CKMT2: variants seen among roughly 807,000 people sequenced by gnomAD.
CKMT2 encodes creatine kinase S-type, mitochondrial.
Under a neutral mutation model 48.9 loss-of-function variants are expected in CKMT2, and 43 were observed. That is an observed-to-expected ratio of 0.88 (90% CI 0.69 to 1.13). The LOEUF is 1.13. CKMT2 is among the 50% of genes most tolerant of loss of function. CKMT2 has a pLI of 0.00. For missense variants in CKMT2, 472 were observed against 555.4 expected, an observed-to-expected ratio of 0.85 and a Z score of 1.51; for synonymous variants, 206 against 213.0, an observed-to-expected ratio of 0.97 and a Z score of 0.29.
intron 1 of CKMT2, among the ~76,000 whole-genome samples, chr5:81,234,444 CT>C (rs372637133): frequency 9.2e-5 from 14 of 152,168 alleles, no homozygotes; most frequent in African/African-American, 3.4e-4. Flanking sequence ...TCTGTTCTCT[CT>C]GTCCTCTCAT....
At chr5:81,239,934 C>T (rs979404053) in intron 1 of CKMT2, among the ~76,000 whole-genome samples, 2 of 152,158 alleles carry the variant, frequency 1.3e-5, no homozygotes, top group Admixed American at 6.5e-5. Context: ...GAGCACACAG[C>T]GTTTTTTTCC....
intron 1 of CKMT2, among the ~76,000 whole-genome samples, chr5:81,249,791 T>G (rs1032914288): frequency 2.6e-5 from 4 of 152,218 alleles, no homozygotes; most frequent in African/African-American, 9.7e-5. Context: ...GTTCCCCAGT[T>G]CTAGGGTGAC....
intron 1 of CKMT2, among the ~76,000 whole-genome samples, chr5:81,242,082 C>T (rs909174291): frequency 1.3e-5 from 2 of 152,120 alleles, no homozygotes; most frequent in African/African-American, 4.8e-5. Flanking sequence ...ACGATGGGCA[C>T]GATGAGCTCC....
chr5:81,261,377 G>T (rs1960671), intron 8 of CKMT2, among the ~76,000 whole-genome samples: 53,163 of 152,006 alleles, frequency 0.35, 9,796 homozygotes, highest in Admixed American at 0.48. Context: ...GAGAAAGAAA[G>T]AAAGGGTATT....
chr5:81,258,541 G>A (rs1490690508), intron 7 of CKMT2, among the ~76,000 whole-genome samples: 1 of 152,170 alleles, frequency 6.6e-6, no homozygotes, highest in Non-Finnish European at 1.5e-5. Context: ...CAGGTACTAT[G>A]TTGACTGCTT....
In CKMT2 at chr5:81,266,151, C is replaced by CAGAT. The variant is rs765590587; in HGVS notation, c.1156_1159dup (p.Val387AspfsTer13). On this transcript the variant is annotated frameshift_variant, in exon 10 of 10. Coordinates refer to ENST00000254035, the MANE Select transcript of CKMT2 (RefSeq NM_001099735.2). LOFTEE classifies it high-confidence loss of function. ...TTCACTGTCAAAGGTTGAGCTTGTTCAGATAGTCATCGATGGAGTCAATTA... is the reference window on the plus strand; with the variant it reads ...TTCACTGTCAAAGGTTGAGCTTGTTCAGATAGATAGTCATCGATGGAGTCAATTA... 6.2e-7 allele frequency: 1 copy of CAGAT among 1,612,542 alleles called. No individual in the cohort carries two copies. The highest frequency in any genetic ancestry group is 8.5e-7 in the Non-Finnish European group (1 of 1,178,714).
chr5:81,242,547 T>C (rs1756472733), intron 1 of CKMT2: 1 of 434,594 alleles, frequency 2.3e-6, no homozygotes, highest in Non-Finnish European at 4.5e-6. Context: ...CAACCTGACA[T>C]ACATAGGCTC....
intron 9 of CKMT2, among the ~76,000 whole-genome samples, chr5:81,263,964 T>C (rs1057008167): frequency 1.3e-5 from 2 of 152,240 alleles, no homozygotes; most frequent in African/African-American, 2.4e-5. Context: ...AGAACATCTA[T>C]GCTATCCCTC....
chr5:81,255,838 AG>A (rs1481114825), intron 5 of CKMT2, among the ~76,000 whole-genome samples: 8 of 150,848 alleles, frequency 5.3e-5, no homozygotes, highest in African/African-American at 1.9e-4. Flanking sequence ...AAAAAAAAGC[AG>A]AAACAAAATT....
chr5:81,263,621 C>T lies in CKMT2; in HGVS notation c.1140+5C>T, dbSNP rs758937501. ...GATAGAATTGGTCGATCAGAGGTAA[C>T]GTCTCTCTCACTTTCCTAACATGAA... is the stretch of plus-strand genomic sequence containing the variant. On this transcript the variant is annotated splice_donor_5th_base_variant and intron_variant, in intron 9 of 9. Transcript: ENST00000254035. 3.1e-6 allele frequency: 5 copies of T among 1,608,322 alleles called. No homozygotes were observed. Among genetic ancestry groups the T allele is most frequent in the South Asian group, 1.1e-5 (1 of 90,704 alleles).
At position 81,256,935 on chromosome 5, in the gene CKMT2, G is replaced by A; in HGVS notation, c.690G>A (p.Lys230=). 6.2e-7 allele frequency: 1 copy of A among 1,613,970 alleles called. No individual in the cohort carries two copies. Among genetic ancestry groups the A allele is most frequent in the Non-Finnish European group, 8.5e-7 (1 of 1,179,886 alleles). The stretch of plus-strand genomic sequence containing the variant: ...TACAGGACCACTTTCTGTTTGATAA[G>A]CCAGTGTCCCCTTTATTAACATGTG... ...RLIDDHFLFD[K]PVSPLLTCAG... The change falls in exon 6 of 10, where the codon AAG becomes AAA. Residue 230 remains lysine (K), a synonymous_variant. Transcript: ENST00000254035.
At chr5:81,254,096 A>G (rs928988219) in intron 3 of CKMT2, among the ~76,000 whole-genome samples, 1 of 152,230 alleles carries the variant, frequency 6.6e-6, no homozygotes, top group Non-Finnish European at 1.5e-5. Context: ...TTCTTGCTCA[A>G]TCTGATGGCA....
rs144313442 is a variant in CKMT2, at chr5:81,252,785, A to G, written c.243A>G (p.Thr81=). The G allele has an allele frequency of 1.8e-4, 294 of 1,614,062 alleles. No individual in the cohort carries two copies. The highest frequency in any genetic ancestry group is 2.4e-4 in the Non-Finnish European group (279 of 1,180,028). ...AIYAKLRNKV[T]PNGYTLDQCI... ...ATGCCAAGCTTCGCAACAAGGTGACACCCAACGGCTACACGCTGGACCAGT... is the reference window on the plus strand; with the variant it reads ...ATGCCAAGCTTCGCAACAAGGTGACGCCCAACGGCTACACGCTGGACCAGT... Residue 81 remains threonine (T), a synonymous_variant, in exon 3 of 10, where the codon ACA becomes ACG. Transcript: ENST00000254035.
At chr5:81,264,581 C>A (rs577238458) in intron 9 of CKMT2, among the ~76,000 whole-genome samples, 3 of 152,230 alleles carry the variant, frequency 2.0e-5, no homozygotes, top group South Asian at 2.1e-4. Context: ...AACTATAATA[C>A]CACAACTTCT....
intron 3 of CKMT2, among the ~76,000 whole-genome samples, chr5:81,253,953 A>C (rs1756909373): frequency 6.6e-6 from 1 of 152,248 alleles, no homozygotes. Context: ...AACAAATTTC[A>C]TATGTAGCTT....
chr5:81,242,673 T>C (rs1323274000), intron 1 of CKMT2: 2 of 210,370 alleles, frequency 9.5e-6, no homozygotes, highest in Non-Finnish European at 1.9e-5. Flanking sequence ...TATTGCTGGG[T>C]GCCAAGCAAG....
chr5:81,247,636 G>A (rs1367247904), intron 1 of CKMT2, among the ~76,000 whole-genome samples: 1 of 152,226 alleles, frequency 6.6e-6, no homozygotes, highest in Non-Finnish European at 1.5e-5. Context: ...TCTTTGGAGA[G>A]CATGGAACAG....
At chr5:81,242,340 C>G in intron 1 of CKMT2, 1 of 400,692 alleles carries the variant, frequency 2.5e-6, no homozygotes, top group South Asian at 2.3e-5. Flanking sequence ...TCATTTCTTG[C>G]ATTTGAAGTA....
chr5:81,252,007 C>G (rs574384065), intron 2 of CKMT2: 5 of 153,674 alleles, frequency 3.3e-5, no homozygotes, highest in African/African-American at 4.8e-5. Context: ...CCATGCCTCT[C>G]TCACTGCTCT....
Sources: allele counts gnomAD v4.1 joint callset (sites outside exome capture counted in the v4.1 genomes callset), GRCh38; gene constraint gnomAD v4.1.1; transcripts MANE v1.5; gene names NCBI Gene and HGNC (gene_info 2026-07-23, HGNC 2026-07-21).